The following KIF3C variants were observed in gnomAD, a reference collection of about 807,000 sequenced individuals.
KIF3C encodes kinesin family member 3C.
KIF3C carries 12 observed loss-of-function variants against 67.7 expected under a neutral mutation model. That is an observed-to-expected ratio of 0.18 (90% CI 0.11 to 0.29). The LOEUF is 0.29. Ranked by LOEUF, KIF3C falls within the 10% of genes least tolerant of loss-of-function variation. The pLI is 1.00. For synonymous variants in KIF3C, 393 were observed against 426.2 expected (o/e 0.92, Z 0.96); for missense variants, 789 against 1,059.6 (o/e 0.74, Z 3.55).
chr2:25,979,040 C>T (rs1310944020), intron 1 of KIF3C, among the ~76,000 whole-genome samples: 1 of 152,212 alleles, frequency 6.6e-6, no homozygotes, highest in East Asian at 1.9e-4. Flanking sequence ...GCTCATCTGT[C>T]ACTCTCCCAG....
chr2:25,928,910 T>G lies in KIF3C; in HGVS notation c.*68A>C. 3.1e-5 allele frequency: 42 copies of G among 1,339,156 alleles called. No homozygotes were observed. Among genetic ancestry groups the G allele is most frequent in the Middle Eastern group, 2.4e-4 (1 of 4,088 alleles). The allele number at this position is 1,339,156 out of a possible 1,614,324, so 83.0% of individuals were successfully genotyped here. A position where few individuals can be genotyped will look rare whatever the true frequency, so the allele number is the denominator to read the frequency against. On this transcript the variant is annotated 3_prime_UTR_variant, in exon 8 of 8. Transcript: ENST00000264712. ...ACACGCACACGCACCAAGCGGCAGA[T>G]GAGATGAGCCAGGGTTGGCTGCCCC... is the stretch of plus-strand genomic sequence containing the variant.
chr2:25,982,407 C>G lies in KIF3C; in HGVS notation c.-490G>C. 2.5e-6 allele frequency: 1 copy of G among 398,658 alleles called. No homozygotes were observed. Among genetic ancestry groups the G allele is most frequent in the Non-Finnish European group, 4.4e-6 (1 of 226,060 alleles). The allele number at this position is 398,658 out of a possible 1,614,324, so 24.7% of individuals were successfully genotyped here. A position where few individuals can be genotyped will look rare whatever the true frequency, so the allele number is the denominator to read the frequency against. ...GCTCACCTGGAGTCCTCCCCCCAAG[C>G]TGGGGGATCATTCATTGCAGCCAGC... On this transcript the variant is annotated 5_prime_UTR_variant, in exon 1 of 8. Transcript: ENST00000264712.
rs1172379271 is a variant in KIF3C at position 25,928,044 on chromosome 2, G to C, written c.*934C>G. 1 of 152,596 alleles carries C rather than the reference G, an allele frequency of 6.6e-6. No individual in the cohort carries two copies. Among genetic ancestry groups the C allele is most frequent in the East Asian group, 1.9e-4 (1 of 5,186 alleles). 9.5% of individuals were successfully genotyped at this position (152,596 alleles called of 1,614,324 possible). ...ATGTTAATATCTTCGTTTAGCGAGG[G>C]GTAGAATGACATTGACTCCTCCCAC... On this transcript the variant is annotated 3_prime_UTR_variant, in exon 8 of 8. Coordinates refer to ENST00000264712, the MANE Select transcript of KIF3C (RefSeq NM_002254.8).
Position 25,930,182 on chromosome 2 carries a change from A to G in KIF3C, c.2007-119T>C. 1.3e-5 allele frequency: 10 copies of G among 741,014 alleles called. No individual in the cohort carries two copies. In the South Asian group the frequency reaches 1.6e-4, roughly 12 times the overall value. The allele number at this position is 741,014 out of a possible 1,614,324, so 45.9% of individuals were successfully genotyped here. ...GGCCCTGCAGACTGCAAGTTCTGGAATTTTCTTCTCCTTGCTCTAATACAG... is the reference window on the plus strand; with the variant it reads ...GGCCCTGCAGACTGCAAGTTCTGGAGTTTTCTTCTCCTTGCTCTAATACAG... On this transcript the variant is annotated intron_variant, in intron 5 of 7. Transcript: ENST00000264712.
At chr2:25,948,497 A>G (rs1442539805) in intron 5 of KIF3C, among the ~76,000 whole-genome samples, 1 of 151,920 alleles carries the variant, frequency 6.6e-6, no homozygotes, top group Non-Finnish European at 1.5e-5. Context: ...AGCTGCAGTG[A>G]GTTATATACT....
chr2:25,954,838 T>G (rs1342882243), intron 3 of KIF3C, among the ~76,000 whole-genome samples: 2 of 152,104 alleles, frequency 1.3e-5, no homozygotes, highest in Non-Finnish European at 2.9e-5. Flanking sequence ...CCCCTCCCAC[T>G]CCAGTCTCTT....
chr2:25,970,483 C>T (rs952159947), intron 1 of KIF3C, among the ~76,000 whole-genome samples: 4 of 151,434 alleles, frequency 2.6e-5, no homozygotes, highest in African/African-American at 9.7e-5. Context: ...GTCTGGTCAA[C>T]GTGGCAAAAC....
At chr2:25,930,753 G>A (rs1359143913) in intron 5 of KIF3C, among the ~76,000 whole-genome samples, 3 of 152,078 alleles carry the variant, frequency 2.0e-5, no homozygotes, top group African/African-American at 4.8e-5. Flanking sequence ...TGGTCAGGCT[G>A]GTCTCGAACT....
intron 1 of KIF3C, among the ~76,000 whole-genome samples, chr2:25,972,305 C>T (rs1039853976): frequency 2.0e-5 from 3 of 152,146 alleles, no homozygotes; most frequent in Non-Finnish European, 4.4e-5. Context: ...ACCAAAAGGC[C>T]TGCTGAGCCT....
chr2:25,974,161 C>G (rs912476807), intron 1 of KIF3C, among the ~76,000 whole-genome samples: 24 of 151,076 alleles, frequency 1.6e-4, no homozygotes, highest in African/African-American at 5.6e-4. Flanking sequence ...CCTCTGCCTC[C>G]CGGGTTCAAG....
At chr2:25,960,572 C>T (rs1345881008) in intron 1 of KIF3C, among the ~76,000 whole-genome samples, 2 of 152,134 alleles carry the variant, frequency 1.3e-5, no homozygotes, top group Non-Finnish European at 2.9e-5. Context: ...GGACTTAGCA[C>T]ACTGCTTGGC....
intron 5 of KIF3C, among the ~76,000 whole-genome samples, chr2:25,944,320 T>C (rs1371101538): frequency 1.3e-5 from 2 of 151,886 alleles, no homozygotes; most frequent in East Asian, 3.8e-4. Flanking sequence ...TTAAGTGTAG[T>C]AGAGAACATT....
In KIF3C at chr2:25,980,044, A is replaced by G. The variant is rs1460246047; in HGVS notation, c.1545+329T>C. Among the ~76,000 whole-genome samples, 1 of 152,194 alleles carries G rather than the reference A, an allele frequency of 6.6e-6. No individual in the cohort carries two copies. The highest frequency in any genetic ancestry group is 1.5e-5 in the Non-Finnish European group (1 of 68,024). Reference sequence around the variant, plus strand: ...GAAGGAACAAGAACCCACATTCACAAGAGGCTGCCTGGCCATCCCACAGAC... The same window carrying G: ...GAAGGAACAAGAACCCACATTCACAGGAGGCTGCCTGGCCATCCCACAGAC... On this transcript the variant is annotated intron_variant, in intron 1 of 7. Coordinates refer to ENST00000264712, the MANE Select transcript of KIF3C (RefSeq NM_002254.8). The surrounding 1 kb of genome is among the most constrained non-coding windows in gnomAD (Gnocchi z 7.6).
At chr2:25,938,636 A>G (rs1247143164) in intron 5 of KIF3C, among the ~76,000 whole-genome samples, 1 of 152,150 alleles carries the variant, frequency 6.6e-6, no homozygotes, top group East Asian at 1.9e-4. Context: ...GGTTGGGGGA[A>G]GGGAGTCTGT....
intron 5 of KIF3C, among the ~76,000 whole-genome samples, chr2:25,937,307 G>A (rs1444561385): frequency 6.6e-6 from 1 of 152,192 alleles, no homozygotes; most frequent in East Asian, 1.9e-4. Context: ...TGGCAGTGAT[G>A]GGAAATAACA....
At chr2:25,968,884 C>T (rs1377261844) in intron 1 of KIF3C, among the ~76,000 whole-genome samples, 3 of 151,516 alleles carry the variant, frequency 2.0e-5, no homozygotes, top group Non-Finnish European at 2.9e-5. Flanking sequence ...AGTGCAGTGG[C>T]GTGATCTCGG....
intron 1 of KIF3C, among the ~76,000 whole-genome samples, chr2:25,975,995 A>C (rs894005998): frequency 6.6e-6 from 1 of 152,018 alleles, no homozygotes; most frequent in African/African-American, 2.4e-5. Context: ...CCTTTCTTGG[A>C]GGGTGCTCAT....
At chr2:25,962,850 AATATAATATATAATAT>A (rs1663999047) in intron 1 of KIF3C, among the ~76,000 whole-genome samples, 2 of 55,622 alleles carry the variant, frequency 3.6e-5, no homozygotes, top group Admixed American at 5.7e-4. Flanking sequence ...TATAATATAT[AATATAATATATAATAT>A]ATATAATATA....
chr2:25,962,945 A>C (rs12475514), intron 1 of KIF3C, among the ~76,000 whole-genome samples: 1 of 32,486 alleles, frequency 3.1e-5, no homozygotes, highest in Non-Finnish European at 4.1e-5. Flanking sequence ...ATAATATATA[A>C]TATATAATAT....
Sources: allele counts gnomAD v4.1 joint callset (sites outside exome capture counted in the v4.1 genomes callset), GRCh38; gene constraint gnomAD v4.1.1; non-coding constraint Gnocchi (gnomAD v3.1); transcripts MANE v1.5; gene names NCBI Gene and HGNC (gene_info 2026-07-23, HGNC 2026-07-21).